The following TERT variants were observed in gnomAD, a reference collection of about 807,000 sequenced individuals.
TERT encodes the protein telomerase reverse transcriptase, also known as telomerase catalytic subunit.
TERT carries 42 observed loss-of-function variants against 104.0 expected under a neutral mutation model. That is an observed-to-expected ratio of 0.40 (90% CI 0.32 to 0.52). TERT has a LOEUF of 0.52. Among genes scored for constraint, TERT ranks in the 20% least tolerant of loss-of-function variants. TERT has a pLI of 0.43. For synonymous variants in TERT, 781 were observed against 725.6 expected (o/e 1.08, Z -1.23); for missense variants, 1,101 against 1,610.3 (o/e 0.68, Z 5.41).
chr5:1,279,842 C>T (rs1001351479), intron 4 of TERT, among the ~76,000 whole-genome samples: 5 of 152,326 alleles, frequency 3.3e-5, no homozygotes, highest in Admixed American at 6.5e-5. Flanking sequence ...AGCGGAAGCG[C>T]ACGGAGGCTG....
At chr5:1,281,956 C>T (rs540455971) in intron 3 of TERT, among the ~76,000 whole-genome samples, 1 of 152,176 alleles carries the variant, frequency 6.6e-6, no homozygotes, top group East Asian at 1.9e-4. Context: ...GGCGTGGTGG[C>T]AGGTGCCTGT....
intron 11 of TERT, 108 bp downstream of exon 11, chr5:1,264,296 G>T: frequency 8.1e-7 from 1 of 1,230,036 alleles, no homozygotes; most frequent in Non-Finnish European, 1.1e-6. Flanking sequence ...TGACCCTTTG[G>T]GATTGGCAGT....
In TERT at chr5:1,294,331, C is replaced by G. The variant is rs777633830; in HGVS notation, c.555G>C (p.Arg185=). 5.7e-6 allele frequency: 9 copies of G among 1,581,624 alleles called. No homozygotes were observed. In the Admixed American group the frequency reaches 1.6e-4, roughly 28 times the overall value. Residue 185 remains arginine (R), a synonymous_variant, in exon 2 of 16, where the codon CGG becomes CGC. Coordinates refer to ENST00000310581, the MANE Select transcript of TERT (RefSeq NM_198253.3). ...GGGGTCCACTAGCGTGTGGCGGGGG[C>G]CGGGCCTGAGTGGCAGCGCCGAGCT... ...LYQLGAATQA[R]PPPHASGPRR...
chr5:1,289,166 G>T (rs1313173395), intron 2 of TERT, among the ~76,000 whole-genome samples: 1 of 110,102 alleles, frequency 9.1e-6, no homozygotes, highest in Non-Finnish European at 1.9e-5. Context: ...ACACCCGGGG[G>T]CCGCAACTCA....
In TERT at chr5:1,268,591, G is replaced by A. The variant is rs374940572; in HGVS notation, c.2511C>T (p.Leu837=). The A allele has an allele frequency of 4.5e-5, 73 of 1,613,380 alleles. 1 individual carries two copies. The East Asian group carries it at 6.5e-4, about 14-fold the overall frequency. ...AGCACAGGCTGCAGAGCAGCGTGGAGAGGATGGAGCCCTGCGGGATCCCCT... is the reference window on the plus strand; with the variant it reads ...AGCACAGGCTGCAGAGCAGCGTGGAAAGGATGGAGCCCTGCGGGATCCCCT... ...QCQGIPQGSI[L]STLLCSLCYG... Residue 837 remains leucine (L), a synonymous_variant, in exon 9 of 16, where the codon CTC becomes CTT. Coordinates refer to ENST00000310581, the MANE Select transcript of TERT (RefSeq NM_198253.3). This position sits in a 1 kb window ranked among gnomAD's most constrained non-coding sequence, Gnocchi z 5.5.
At chr5:1,271,350 C>T in intron 7 of TERT, 146 bp from the exon 8 acceptor site, 1 of 715,472 alleles carries the variant, frequency 1.4e-6, no homozygotes, top group Non-Finnish European at 2.6e-6. Flanking sequence ...CCATCGTGGG[C>T]TGGCCGGGCC....
intron 13 of TERT, 99 bp downstream of exon 13, chr5:1,258,499 C>T: frequency 8.8e-7 from 1 of 1,140,014 alleles, no homozygotes; most frequent in Non-Finnish European, 1.3e-6. Flanking sequence ...TTCCTTGCCC[C>T]TAAAACCCAG....
chr5:1,294,788 C>A lies in TERT; in HGVS notation c.202G>T (p.Ala68Ser), dbSNP rs1038954321. The A allele has an allele frequency of 1.3e-6, 2 of 1,527,300 alleles. No homozygotes were observed. Among genetic ancestry groups the A allele is most frequent in the South Asian group, 1.2e-5 (1 of 83,144 alleles). The allele number at this position is 1,527,300 out of a possible 1,614,324, so 94.6% of individuals were successfully genotyped here. Reference protein sequence around the residue: ...VPWDARPPPAAPSFRQVSCLK... With the variant: ...VPWDARPPPASPSFRQVSCLK... ...AGGCCCACCTGGCGGAAGGAGGGGG[C>A]GGCGGGGGGCGGCCGTGCGTCCCAG... The change falls in exon 1 of 16, where the codon GCC becomes TCC. Residue 68 changes from alanine to serine, a missense_variant. By Grantham distance (99) the Ala-to-Ser change is moderately conservative. Around this residue, in one of 5 missense-constraint regions of TERT, gnomAD observed 87 missense variants for 145.4 expected, o/e 0.60. Transcript: ENST00000310581.
rs1199478350 is a variant in TERT at position 1,287,008 on chromosome 5, A to C, written c.1574-4384T>G. ...ACACTCGGCAGGAAACGCACATGGC[A>C]ACCCAAGAGGTGGTGAGAAACAAGG... On this transcript the variant is annotated intron_variant, in intron 2 of 15. Transcript: ENST00000310581. The surrounding 1 kb of genome is among the most constrained non-coding windows in gnomAD (Gnocchi z 4.3). Among the ~76,000 whole-genome samples the C allele has an allele frequency of 1.3e-5, 2 of 152,218 alleles. No homozygotes were observed. The highest frequency in any genetic ancestry group is 6.5e-5 in the Admixed American group (1 of 15,284).
intron 11 of TERT, 184 bp downstream of exon 11, chr5:1,264,220 C>T (rs1055517554): frequency 3.1e-6 from 2 of 645,258 alleles, no homozygotes; most frequent in South Asian, 1.8e-5. Context: ...TGTGAGCACC[C>T]TCACTCCCAC....
In TERT at chr5:1,255,701, C is replaced by A. The variant is rs998427824; in HGVS notation, c.3033-290G>T. On this transcript the variant is annotated intron_variant, in intron 13 of 15. Transcript: ENST00000310581. This position sits in a 1 kb window ranked among gnomAD's most constrained non-coding sequence, Gnocchi z 6.9. ...AGCTCCATCCTGGATGCCAGCCCCCCATGCTGGCTTCTGATTAGCCCCTGT... is the reference window on the plus strand; with the variant it reads ...AGCTCCATCCTGGATGCCAGCCCCCAATGCTGGCTTCTGATTAGCCCCTGT... Among the ~76,000 whole-genome samples, 1 of 152,236 alleles carries A rather than the reference C, an allele frequency of 6.6e-6. No individual in the cohort carries two copies. Among genetic ancestry groups the A allele is most frequent in the Non-Finnish European group, 1.5e-5 (1 of 68,040 alleles).
Position 1,254,585 on chromosome 5 carries a change from C to T in TERT, c.3158-80G>A, listed in dbSNP as rs1320506441. On this transcript the variant is annotated intron_variant, in intron 14 of 15. Coordinates refer to ENST00000310581, the MANE Select transcript of TERT (RefSeq NM_198253.3). ...GAGACACCGGAAAGCTGCCCACACC[C>T]GACGGTCTGCGGGGTGGCTCCATCT... 6 of 1,506,032 alleles carry T rather than the reference C, an allele frequency of 4.0e-6. No homozygotes were observed. The African/African-American group carries it at 5.5e-5, about 14-fold the overall frequency. The allele number at this position is 1,506,032 out of a possible 1,614,324, so 93.3% of individuals were successfully genotyped here.
In TERT at chr5:1,253,721, G is replaced by C; in HGVS notation, c.*7C>G. 1 of 1,606,570 alleles carries C rather than the reference G, an allele frequency of 6.2e-7. No homozygotes were observed. ...CTGCTCTCGGCCTGGCTGTGGGCGG[G>C]TGGCCATCAGTCCAGGATGGTCTTG... On this transcript the variant is annotated 3_prime_UTR_variant, in exon 16 of 16. Coordinates refer to ENST00000310581, the MANE Select transcript of TERT (RefSeq NM_198253.3).
At chr5:1,285,985 G>A (rs991868160) in intron 2 of TERT, among the ~76,000 whole-genome samples, 10 of 151,992 alleles carry the variant, frequency 6.6e-5, no homozygotes, top group Middle Eastern at 3.2e-3. Flanking sequence ...ACACTCCCCC[G>A]CCAGGCAGCA....
rs1269694590 is a variant in TERT, at chr5:1,270,031, G to A, written c.2468+1088C>T. ...CTTAATAAAATTCACGACCACGAAG[G>A]AGGCCCGTGGTGGCTTCTCTGGGGA... is the stretch of plus-strand genomic sequence containing the variant. On this transcript the variant is annotated intron_variant, in intron 8 of 15. Transcript: ENST00000310581. This position sits in a 1 kb window ranked among gnomAD's most constrained non-coding sequence, Gnocchi z 8.3. Among the ~76,000 whole-genome samples the A allele has an allele frequency of 1.3e-5, 2 of 152,272 alleles. No individual in the cohort carries two copies. The highest frequency in any genetic ancestry group is 4.8e-5 in the African/African-American group (2 of 41,564).
intron 11 of TERT, among the ~76,000 whole-genome samples, chr5:1,260,906 A>G (rs746320424): frequency 2.0e-5 from 3 of 152,184 alleles, no homozygotes; most frequent in Non-Finnish European, 4.4e-5. Flanking sequence ...TCAGCCAAAA[A>G]CACATAATAA....
At chr5:1,267,536 T>A (rs1748696303) in intron 9 of TERT, among the ~76,000 whole-genome samples, 1 of 152,202 alleles carries the variant, frequency 6.6e-6, no homozygotes, top group African/African-American at 2.4e-5. Flanking sequence ...CATGCACACG[T>A]ATGTTTATTG....
intron 6 of TERT, among the ~76,000 whole-genome samples, chr5:1,272,638 TCACCA>T (rs1749159656): frequency 1.9e-5 from 1 of 51,496 alleles, no homozygotes; most frequent in South Asian, 1.0e-3. Flanking sequence ...CCATCCACAG[TCACCA>T]CACATCAGAC....
At chr5:1,282,710 C>G in intron 2 of TERT, 86 bp from the exon 3 acceptor site, 2 of 1,411,484 alleles carry the variant, frequency 1.4e-6, no homozygotes, top group South Asian at 2.4e-5. Flanking sequence ...CACCGCACAT[C>G]CAGCTCACCA....
Sources: allele counts gnomAD v4.1 joint callset (sites outside exome capture counted in the v4.1 genomes callset), GRCh38; gene constraint gnomAD v4.1.1; regional missense constraint gnomAD v4.1.1; non-coding constraint Gnocchi (gnomAD v3.1); transcripts MANE v1.5; gene names NCBI Gene and HGNC (gene_info 2026-07-23, HGNC 2026-07-21).